Variants in ZNF81 observed in about 807,000 individuals in gnomAD.
ZNF81 encodes the protein zinc finger protein 81.
Under a neutral mutation model 32.3 loss-of-function variants are expected in ZNF81, and 5 were observed. The ratio of observed to expected loss-of-function variants is 0.15; its 90% CI spans 0.08 to 0.33. The LOEUF is 0.33. ZNF81 is among the 10% of genes least tolerant of loss of function. The pLI, the probability that ZNF81 is intolerant of heterozygous loss-of-function variation, is 1.00. For synonymous variants in ZNF81, 163 were observed against 166.8 expected (o/e 0.98, Z 0.17); for missense variants, 379 against 479.8 (o/e 0.79, Z 1.96).
At position 47,923,750 on chromosome X, in the gene ZNF81, A is replaced by G. The variant is rs1339548697; in HGVS notation, c.*7118A>G. On this transcript the variant is annotated 3_prime_UTR_variant, in exon 5 of 5. Coordinates refer to ENST00000338637, the MANE Select transcript of ZNF81 (RefSeq NM_007137.5). ...GTCGTTTGGGTTATACTGAGAAATA[A>G]GAGTTGGCTAAAGTAGAAATTACAT... Among the ~76,000 whole-genome samples, 1 of 112,114 alleles carries G rather than the reference A, an allele frequency of 8.9e-6. No homozygotes were observed. The highest frequency in any genetic ancestry group is 3.2e-5 in the African/African-American group (1 of 30,770).
At position 47,925,579 on chromosome X, in the gene ZNF81, C is replaced by T. The variant is rs782562780; in HGVS notation, c.*8947C>T. Reference sequence around the variant, plus strand: ...CATGTTTTGATGGAAATTTGTATTTCCAGCTTTTGGCTATTACAAATAAAA... The same window carrying T: ...CATGTTTTGATGGAAATTTGTATTTTCAGCTTTTGGCTATTACAAATAAAA... On this transcript the variant is annotated 3_prime_UTR_variant, in exon 5 of 5. Coordinates refer to ENST00000338637, the MANE Select transcript of ZNF81 (RefSeq NM_007137.5). Among the ~76,000 whole-genome samples, 1 of 112,061 alleles carries T rather than the reference C, an allele frequency of 8.9e-6. No homozygotes were observed. Among genetic ancestry groups the T allele is most frequent in the South Asian group, 3.7e-4 (1 of 2,700 alleles).
intron 2 of ZNF81, among the ~76,000 whole-genome samples, chrX:47,875,035 C>A (rs1376769816): frequency 9.4e-6 from 1 of 106,749 alleles, no homozygotes; most frequent in East Asian, 3.1e-4. Context: ...GGGAACCACC[C>A]ATCTCAAAGA....
At position 47,836,974 on chromosome X, in the gene ZNF81, C is replaced by G. The variant is rs2058427670; in HGVS notation, c.-177C>G. 5.0e-6 allele frequency: 1 copy of G among 198,656 alleles called. No individual in the cohort carries two copies. The highest frequency in any genetic ancestry group is 9.7e-6 in the Non-Finnish European group (1 of 102,837). 16.4% of individuals were successfully genotyped at this position (198,656 alleles called of 1,213,427 possible). A position where few individuals can be genotyped will look rare whatever the true frequency, so the allele number is the denominator to read the frequency against. ...GTCAGGAGGATTCGACGTTCAGTGC[C>G]CAGGGATGTGGAGGTGATGGGGGGC... is the stretch of plus-strand genomic sequence containing the variant. On this transcript the variant is annotated 5_prime_UTR_variant, in exon 1 of 5. Coordinates refer to ENST00000338637, the MANE Select transcript of ZNF81 (RefSeq NM_007137.5).
At chrX:47,894,636 G>T (rs1210131961) in intron 3 of ZNF81, among the ~76,000 whole-genome samples, 1 of 111,555 alleles carries the variant, frequency 9.0e-6, no homozygotes, top group South Asian at 3.8e-4. Context: ...TGGACCATTA[G>T]GGGTAATAGG....
intron 3 of ZNF81, among the ~76,000 whole-genome samples, chrX:47,891,538 G>A (rs782216387): frequency 1.2e-4 from 13 of 112,144 alleles, no homozygotes; most frequent in African/African-American, 1.3e-4. Flanking sequence ...CCCACCATAA[G>A]AGCCCTCATT....
At chrX:47,866,406 C>T (rs1264052182) in intron 2 of ZNF81, among the ~76,000 whole-genome samples, 2 of 112,134 alleles carry the variant, frequency 1.8e-5, no homozygotes, top group Admixed American at 1.9e-4. Context: ...CACAAGAAAT[C>T]TGCTAATGAA....
rs782742644 is a variant in ZNF81 at position 47,921,618 on chromosome X, T to G, written c.*4986T>G. On this transcript the variant is annotated 3_prime_UTR_variant, in exon 5 of 5. Coordinates refer to ENST00000338637, the MANE Select transcript of ZNF81 (RefSeq NM_007137.5). ...AGTGACTTGGTTCTAGTGAATAGAA[T>G]GAGGCAGAGGTAATGGGATGTCATG... 4.5e-5 allele frequency: 5 copies of G among 111,129 alleles called. No individual in the cohort carries two copies. The highest frequency in any genetic ancestry group is 1.6e-4 in the African/African-American group (5 of 30,641). 9.2% of individuals were successfully genotyped at this position (111,129 alleles called of 1,213,427 possible). A position where few individuals can be genotyped will look rare whatever the true frequency, so the allele number is the denominator to read the frequency against.
intron 2 of ZNF81, among the ~76,000 whole-genome samples, chrX:47,880,190 C>G (rs1026803660): frequency 6.3e-5 from 7 of 111,955 alleles, no homozygotes; most frequent in Admixed American, 1.9e-4. Flanking sequence ...CAGTCTTTCA[C>G]TCAGTAGTTT....
chrX:47,895,901 T>C lies in ZNF81; in HGVS notation c.238T>C (p.Trp80Arg). The change falls in exon 4 of 5, where the codon TGG becomes CGG. Residue 80 changes from tryptophan to arginine, a missense_variant. Transcript: ENST00000338637. ...IFKLEQGEGP[W>R]TLEGEAPHQS... Reference sequence around the variant, plus strand: ...CAAGTTGGAGCAAGGAGAGGGGCCATGGACATTGGAAGGGGAAGCCCCACA... The same window carrying C: ...CAAGTTGGAGCAAGGAGAGGGGCCACGGACATTGGAAGGGGAAGCCCCACA... 1.7e-6 allele frequency: 2 copies of C among 1,210,653 alleles called. No homozygotes were observed. The highest frequency in any genetic ancestry group is 2.2e-6 in the Non-Finnish European group (2 of 894,720).
intron 2 of ZNF81, among the ~76,000 whole-genome samples, chrX:47,881,634 T>C (rs907987299): frequency 1.8e-5 from 2 of 112,175 alleles, no homozygotes; most frequent in Admixed American, 9.5e-5. Context: ...CCCCCACTTA[T>C]CTTTTCAATT....
At chrX:47,876,403 A>T (rs1229309251) in intron 2 of ZNF81, among the ~76,000 whole-genome samples, 1 of 112,258 alleles carries the variant, frequency 8.9e-6, no homozygotes, top group African/African-American at 3.2e-5. Context: ...GTCCTTGATG[A>T]GTGCCTGCAC....
At chrX:47,854,448 G>A (rs1015847421) in intron 2 of ZNF81, among the ~76,000 whole-genome samples, 56 of 112,163 alleles carry the variant, frequency 5.0e-4, no homozygotes, top group African/African-American at 1.7e-3. Flanking sequence ...TTGTCTGACT[G>A]GTGCAAGAAG....
chrX:47,916,320 T>G lies in ZNF81; in HGVS notation c.1674T>G (p.Asp558Glu), dbSNP rs1556890851. The G allele has an allele frequency of 8.3e-7, 1 of 1,209,626 alleles. No individual in the cohort carries two copies. The highest frequency in any genetic ancestry group is 1.1e-6 in the Non-Finnish European group (1 of 894,813). Residue 558 changes from aspartate (D) to glutamate (E), a missense_variant, in exon 5 of 5, where the codon GAT becomes GAG. Physicochemically the swap from Asp to Glu is conservative, Grantham distance 45. Transcript: ENST00000338637. ...GAGAGAAACCCTATGTTTGTGCTGA[T>G]TGTGGGAGGGCCTTCATCCAGAAGT... ...HTGEKPYVCADCGRAFIQKSE... is the reference protein window; with the variant it reads ...HTGEKPYVCAECGRAFIQKSE...
intron 4 of ZNF81, among the ~76,000 whole-genome samples, chrX:47,914,264 C>T (rs919966478): frequency 6.3e-5 from 7 of 111,568 alleles, no homozygotes; most frequent in Admixed American, 5.7e-4. Flanking sequence ...ATGAGCTTCA[C>T]TTTTCTTATC....
rs61739409 is a variant in ZNF81, at chrX:47,916,050, G to A, written c.1404G>A (p.Lys468=). 8.3e-7 allele frequency: 1 copy of A among 1,211,222 alleles called. No individual in the cohort carries two copies. Among genetic ancestry groups the A allele is most frequent in the South Asian group, 1.8e-5 (1 of 56,945 alleles). ...IAHQRIHTGE[K]PYECSDCGKS... ...ATCAAAGAATTCATACTGGAGAGAA[G>A]CCTTATGAATGCAGTGACTGTGGGA... is the stretch of plus-strand genomic sequence containing the variant. The change falls in exon 5 of 5, where the codon AAG becomes AAA. Residue 468 remains lysine (K), a synonymous_variant. Transcript: ENST00000338637.
intron 2 of ZNF81, among the ~76,000 whole-genome samples, chrX:47,868,949 GA>G (rs1211636006): frequency 3.3e-4 from 16 of 48,114 alleles, no homozygotes; most frequent in Non-Finnish European, 5.6e-4. Context: ...GGGTGGGGGG[GA>G]TCTCTCTTAT....
intron 3 of ZNF81, 86 bp downstream of exon 3, chrX:47,888,211 C>T (rs2058649993): frequency 2.7e-6 from 3 of 1,093,664 alleles, no homozygotes; most frequent in Non-Finnish European, 3.7e-6. Flanking sequence ...AGTCCTAATA[C>T]CCCAGCCCCC....
At chrX:47,914,816 T>G in intron 4 of ZNF81, 108 bp from the exon 5 acceptor site, 595 of 738,307 alleles carry the variant, frequency 8.1e-4, no homozygotes, top group Non-Finnish European at 9.9e-4. Flanking sequence ...ATTGTCATCA[T>G]GAGATTTACT....
chrX:47,923,779 A>G lies in ZNF81; in HGVS notation c.*7147A>G, dbSNP rs1319370790. 8.9e-6 allele frequency among the ~76,000 whole-genome samples: 1 copy of G among 111,879 alleles called. No homozygotes were observed. Among genetic ancestry groups the G allele is most frequent in the African/African-American group, 3.3e-5 (1 of 30,728 alleles). The stretch of plus-strand genomic sequence containing the variant: ...TTGGCTAAAGTAGAAATTACATGAG[A>G]TTTGGAAGGTCAAAGGGAAGGAGCA... On this transcript the variant is annotated 3_prime_UTR_variant, in exon 5 of 5. Coordinates refer to ENST00000338637, the MANE Select transcript of ZNF81 (RefSeq NM_007137.5).
Sources: gnomAD v4.1 joint callset for allele counts (sites outside exome capture counted in the v4.1 genomes callset) on GRCh38, gnomAD v4.1.1 for gene constraint, MANE v1.5 for transcripts, NCBI Gene and HGNC (gene_info 2026-07-23, HGNC 2026-07-21) for gene names.